The following TOP3B variants were observed in gnomAD, a reference collection of about 807,000 sequenced individuals.
The protein encoded by TOP3B is DNA topoisomerase 3-beta-1.
TOP3B carries 45 observed loss-of-function variants against 93.9 expected under a neutral mutation model. The ratio of observed to expected loss-of-function variants is 0.48; its 90% CI spans 0.38 to 0.61. The LOEUF (loss-of-function observed/expected upper bound fraction) is 0.61. Among genes scored for constraint, TOP3B ranks in the 20% least tolerant of loss-of-function variants. The pLI is 0.00. For synonymous variants in TOP3B, 357 were observed against 472.6 expected, an observed-to-expected ratio of 0.76 and a Z score of 3.17; for missense variants, 750 against 1,156.1, an observed-to-expected ratio of 0.65 and a Z score of 5.09.
chr22:21,979,147 AGGAG>A (rs762340277), intron 1 of TOP3B, among the ~76,000 whole-genome samples: 1 of 152,102 alleles, frequency 6.6e-6, no homozygotes. Flanking sequence ...CCAGGTGAGT[AGGAG>A]GGAGAGGGAG....
chr22:21,970,729 T>TTG lies in TOP3B; in HGVS notation c.385-324_385-323insCA. ...CTTTCATCCCCACCAAATCAGGAAA[T>TTG]GCTACTGCCAAGTACATGAGGGACC... On this transcript the variant is annotated intron_variant, in intron 5 of 17. Transcript: ENST00000357179. This position sits in a 1 kb window ranked among gnomAD's most constrained non-coding sequence, Gnocchi z 4.4. 1 of 372,814 alleles carries TTG rather than the reference T, an allele frequency of 2.7e-6. No individual in the cohort carries two copies. Among genetic ancestry groups the TTG allele is most frequent in the Admixed American group, 3.7e-5 (1 of 27,040 alleles). 23.1% of individuals were successfully genotyped at this position (372,814 alleles called of 1,614,324 possible).
At chr22:21,972,909 C>T (rs2071702746) in intron 3 of TOP3B, 191 bp from the exon 4 acceptor site, 3 of 586,624 alleles carry the variant, frequency 5.1e-6, no homozygotes, top group Non-Finnish European at 9.1e-6. Flanking sequence ...CCCCTCCCAT[C>T]CAGCCTCCTT....
chr22:21,972,728 A>G lies in TOP3B; in HGVS notation c.203-10T>C. 6.2e-7 allele frequency: 1 copy of G among 1,609,422 alleles called. No homozygotes were observed. The highest frequency in any genetic ancestry group is 8.5e-7 in the Non-Finnish European group (1 of 1,176,186). On this transcript the variant is annotated splice_polypyrimidine_tract_variant and intron_variant, in intron 3 of 17. Coordinates refer to ENST00000357179, the MANE Select transcript of TOP3B (RefSeq NM_001282112.2). Reference sequence around the variant, plus strand: ...CATTTGTTGTATTTTCCTACAAACCAGTCACAGTGACATTGAGTCACAGGA... The same window carrying G: ...CATTTGTTGTATTTTCCTACAAACCGGTCACAGTGACATTGAGTCACAGGA...
At chr22:21,981,184 GTA>G (rs1036121337) in intron 1 of TOP3B, among the ~76,000 whole-genome samples, 1 of 152,208 alleles carries the variant, frequency 6.6e-6, no homozygotes, top group African/African-American at 2.4e-5. Context: ...CAGCAATTAT[GTA>G]TGACATAATG....
chr22:21,968,981 GGA>G, intron 6 of TOP3B: 1 of 568,176 alleles, frequency 1.8e-6, no homozygotes, highest in South Asian at 2.2e-5. Flanking sequence ...CAGTGAGAGA[GGA>G]GACAGAGGTT....
intron 8 of TOP3B, 82 bp downstream of exon 8, chr22:21,967,521 C>T (rs2071460238): frequency 5.7e-6 from 6 of 1,052,138 alleles, no homozygotes; most frequent in South Asian, 1.3e-5. Context: ...ACTAGGATCA[C>T]AGGCTGTTCC....
chr22:21,960,506 C>T (rs2071127713), intron 13 of TOP3B, 57 bp from the exon 14 acceptor site: 1 of 1,605,672 alleles, frequency 6.2e-7, no homozygotes, highest in Admixed American at 1.7e-5. Flanking sequence ...CCCACTGAAC[C>T]ATGTGCTGTA....
At position 21,965,318 on chromosome 22, in the gene TOP3B, C is replaced by G. The variant is rs1386437767; in HGVS notation, c.910G>C (p.Val304Leu). 13 of 1,608,378 alleles carry G rather than the reference C, an allele frequency of 8.1e-6. No individual in the cohort carries two copies. The highest frequency in any genetic ancestry group is 1.1e-5 in the South Asian group (1 of 90,020). ...GAGCTGGCCACACGCAGCATCTCCA[C>G]AGTGTTCAGGGCCAGGGGCCTCTGC... ...AKQRPLALNT[V>L]EMLRVASSSL... is the part of the protein sequence containing the mutation. Residue 304 changes from valine (V) to leucine (L), a missense_variant, in exon 9 of 18, where the codon GTG becomes CTG. Around this residue, in one of 4 missense-constraint regions of TOP3B, gnomAD observed 737 missense variants for 933.7 expected, o/e 0.79. Transcript: ENST00000357179.
At chr22:21,979,919 C>T (rs369912161) in intron 1 of TOP3B, among the ~76,000 whole-genome samples, 129 of 119,880 alleles carry the variant, frequency 1.1e-3, no homozygotes, top group East Asian at 7.6e-4. Context: ...CCAGCCTGGG[C>T]GACAGAGTGA....
chr22:21,967,448 G>A lies in TOP3B; in HGVS notation c.852+155C>T, dbSNP rs797012983. ...GCAGAAATATCTTAGGAGTATATGA[G>A]GGAGTAACCATTCAGCTTTCCAAAA... On this transcript the variant is annotated intron_variant, in intron 8 of 17. Transcript: ENST00000357179. 9 of 645,962 alleles carry A rather than the reference G, an allele frequency of 1.4e-5. No individual in the cohort carries two copies. In the African/African-American group the frequency reaches 1.6e-4, roughly 12 times the overall value. The allele number at this position is 645,962 out of a possible 1,614,324, so 40.0% of individuals were successfully genotyped here.
At chr22:21,972,148 G>T in intron 4 of TOP3B, 197 bp from the exon 5 acceptor site, 4 of 536,700 alleles carry the variant, frequency 7.5e-6, no homozygotes, top group Non-Finnish European at 6.6e-6. Context: ...TATAATTGAT[G>T]TTTTTTGGAC....
At position 21,959,673 on chromosome 22, in the gene TOP3B, T is replaced by C. The variant is rs1230161576; in HGVS notation, c.1718A>G (p.Gln573Arg). 8.7e-6 allele frequency: 14 copies of C among 1,613,622 alleles called. No individual in the cohort carries two copies. Among genetic ancestry groups the C allele is most frequent in the Non-Finnish European group, 1.2e-5 (14 of 1,179,956 alleles). ...GACCTGGCGGTAGTCGGCCTTGCCC[T>C]GGGCGATCAGGTTCAGCTGCTTCTC... ...AVEKQLNLIA[Q>R]GKADYRQVLG... The change falls in exon 15 of 18, where the codon CAG becomes CGG. Residue 573 changes from glutamine to arginine, a missense_variant. Transcript: ENST00000357179.
chr22:21,957,644 G>C, intron 17 of TOP3B, 49 bp from the exon 18 acceptor site: 2 of 1,304,518 alleles, frequency 1.5e-6, no homozygotes, highest in Non-Finnish European at 2.0e-6. Context: ...GTGCCCACCT[G>C]CCCTCTGCTG....
At chr22:21,958,315 C>T (rs2071012020) in intron 17 of TOP3B, 177 bp downstream of exon 17, 7 of 1,448,504 alleles carry the variant, frequency 4.8e-6, no homozygotes, top group Non-Finnish European at 5.5e-6. Context: ...GGTGGCACCA[C>T]TGGCTGAGGC....
intron 3 of TOP3B, chr22:21,972,938 G>A (rs947961419): frequency 1.8e-5 from 10 of 543,264 alleles, no homozygotes; most frequent in African/African-American, 5.9e-5. Context: ...GCTGCTGAGC[G>A]GACCCACCAC....
At chr22:21,977,655 G>C (rs2071934303) in intron 1 of TOP3B, 1 of 152,138 alleles carries the variant, frequency 6.6e-6, no homozygotes, top group African/African-American at 2.4e-5. Context: ...TATCACATAG[G>C]GAGAGACTCA....
chr22:21,981,327 G>A (rs1170380584), intron 1 of TOP3B, among the ~76,000 whole-genome samples: 1 of 152,150 alleles, frequency 6.6e-6, no homozygotes, highest in Non-Finnish European at 1.5e-5. Flanking sequence ...GGACTTGGTT[G>A]TTCTAGAACC....
At chr22:21,979,051 C>T (rs965218048) in intron 1 of TOP3B, among the ~76,000 whole-genome samples, 4 of 152,060 alleles carry the variant, frequency 2.6e-5, no homozygotes, top group African/African-American at 4.8e-5. Flanking sequence ...AGGCATGGTA[C>T]GGCTGTCCAC....
Position 21,972,508 on chromosome 22 carries a change from C to T in TOP3B, c.309+104G>A, listed in dbSNP as rs192710065. ...CACAGAAAAAGCTAGCAAAGGCCCC[C>T]CTGTCCAAGGGGGATTAGGACTCAA... On this transcript the variant is annotated intron_variant, in intron 4 of 17. Transcript: ENST00000357179. 5 of 866,644 alleles carry T rather than the reference C, an allele frequency of 5.8e-6. No individual in the cohort carries two copies. The South Asian group carries it at 7.1e-5, about 12-fold the overall frequency. The allele number at this position is 866,644 out of a possible 1,614,324, so 53.7% of individuals were successfully genotyped here.
Sources: gnomAD v4.1 joint callset for allele counts (sites outside exome capture counted in the v4.1 genomes callset) on GRCh38, gnomAD v4.1.1 for gene constraint, gnomAD v4.1.1 regional missense constraint, Gnocchi (gnomAD v3.1) non-coding constraint, MANE v1.5 for transcripts, NCBI Gene and HGNC (gene_info 2026-07-23, HGNC 2026-07-21) for gene names.